Variants in STK3 observed in about 807,000 individuals in gnomAD.
STK3 encodes the protein serine/threonine-protein kinase 3.
A neutral mutation model predicts 58.0 loss-of-function variants in STK3; 41 were observed. The ratio of observed to expected loss-of-function variants is 0.71; its 90% confidence interval spans 0.55 to 0.92. The LOEUF is 0.92. Among genes scored for constraint, STK3 ranks in the 40% least tolerant of loss-of-function variants. STK3 has a pLI of 0.00. For synonymous variants in STK3, 170 were observed against 191.0 expected (o/e 0.89, Z 0.91); for missense variants, 479 against 602.7 (o/e 0.79, Z 2.15).
At chr8:98,463,622 T>C (rs1338800878) in intron 10 of STK3, among the ~76,000 whole-genome samples, 2 of 152,160 alleles carry the variant, frequency 1.3e-5, no homozygotes, top group Non-Finnish European at 2.9e-5. Context: ...AAATTAGAAC[T>C]TCCTTTAAGT....
intron 4 of STK3, among the ~76,000 whole-genome samples, chr8:98,707,613 C>T (rs371254722): frequency 1.3e-5 from 2 of 151,872 alleles, no homozygotes; most frequent in Admixed American, 6.6e-5. Flanking sequence ...CTATGTTGCC[C>T]GGGCTGGTCT....
At chr8:98,448,748 C>T (rs1819063270) in intron 1 of STK3, among the ~76,000 whole-genome samples, 1 of 152,114 alleles carries the variant, frequency 6.6e-6, no homozygotes, top group Admixed American at 6.6e-5. Context: ...CATAAAATGA[C>T]ATAGACTCAC....
intron 6 of STK3, among the ~76,000 whole-genome samples, chr8:98,643,106 C>T (rs985194309): frequency 2.0e-5 from 3 of 152,048 alleles, no homozygotes; most frequent in African/African-American, 7.2e-5. Flanking sequence ...ACACACCTGT[C>T]GTCTCAGCTA....
At position 98,463,530 on chromosome 8, in the gene STK3, C is replaced by A. The variant is rs574816958; in HGVS notation, c.1318-7530G>T. On this transcript the variant is annotated intron_variant, in intron 10 of 10. Coordinates refer to ENST00000419617, the MANE Select transcript of STK3 (RefSeq NM_006281.4). ...TCACTGATAATTCTGACATTTCAAA[C>A]CTTTAATAATTAGAATTATTTCTGA... 3.3e-5 allele frequency among the ~76,000 whole-genome samples: 5 copies of A among 152,152 alleles called. No homozygotes were observed. In the South Asian group the frequency reaches 8.3e-4, roughly 25 times the overall value.
At chr8:98,703,380 C>T (rs1825749048) in intron 6 of STK3, among the ~76,000 whole-genome samples, 1 of 152,032 alleles carries the variant, frequency 6.6e-6, no homozygotes, top group African/African-American at 2.4e-5. Context: ...ATATTTATTT[C>T]ACAAAATTAC....
chr8:98,402,465 G>A (rs1217573436), intron 3 of STK3, among the ~76,000 whole-genome samples: 3 of 152,222 alleles, frequency 2.0e-5, no homozygotes, highest in Non-Finnish European at 4.4e-5. Flanking sequence ...GTTTCTGAAA[G>A]GAAGCGAAAG....
intron 1 of STK3, among the ~76,000 whole-genome samples, chr8:98,895,175 G>A (rs1201854973): frequency 6.6e-6 from 1 of 152,148 alleles, no homozygotes; most frequent in Non-Finnish European, 1.5e-5. Flanking sequence ...GGATTAAAGT[G>A]TATGGTATGG....
At chr8:98,661,241 C>A (rs1171875320) in intron 6 of STK3, among the ~76,000 whole-genome samples, 2 of 152,210 alleles carry the variant, frequency 1.3e-5, no homozygotes, top group Non-Finnish European at 2.9e-5. Flanking sequence ...AAAGGAAATA[C>A]AGCCTCTTTG....
At chr8:98,527,612 C>A (rs1251906862) in intron 9 of STK3, among the ~76,000 whole-genome samples, 3 of 151,656 alleles carry the variant, frequency 2.0e-5, no homozygotes, top group African/African-American at 4.8e-5. Context: ...AGAGCAAGAC[C>A]CTGTTCAAAT....
chr8:98,347,542 AC>A, the STK3 span, among the ~76,000 whole-genome samples: 3 of 151,782 alleles, frequency 2.0e-5, no homozygotes, highest in East Asian at 1.9e-4. Context: ...ACCAAAAAAA[AC>A]CACAGCGTAT....
intron 6 of STK3, chr8:98,598,305 T>C (rs934049311): frequency 9.1e-6 from 9 of 985,292 alleles, no homozygotes; most frequent in Non-Finnish European, 1.1e-5. Flanking sequence ...AACCCAAGGA[T>C]AAAAAGCTTA....
chr8:98,644,851 A>T (rs553421104), intron 6 of STK3, among the ~76,000 whole-genome samples: 8 of 152,190 alleles, frequency 5.3e-5, no homozygotes, highest in Non-Finnish European at 1.0e-4. Context: ...GCAGTTTTTC[A>T]TTGCCATCTC....
At chr8:98,601,288 C>T (rs953824743) in intron 6 of STK3, among the ~76,000 whole-genome samples, 4 of 152,204 alleles carry the variant, frequency 2.6e-5, no homozygotes, top group Non-Finnish European at 4.4e-5. Flanking sequence ...TGCCCCACAA[C>T]CACCTCTTAC....
intron 10 of STK3, among the ~76,000 whole-genome samples, chr8:98,520,808 T>C (rs1465445467): frequency 1.3e-5 from 2 of 152,108 alleles, no homozygotes; most frequent in Non-Finnish European, 2.9e-5. Context: ...GATGAGGGAA[T>C]GAATAAGACC....
intron 4 of STK3, among the ~76,000 whole-genome samples, chr8:98,741,410 A>G (rs188978836): frequency 0.011 from 1,679 of 152,260 alleles, 29 homozygotes; most frequent in African/African-American, 0.037. Flanking sequence ...AGACCACAGT[A>G]CAATCAAACT....
chr8:98,877,678 T>G (rs1837606765), intron 3 of STK3, among the ~76,000 whole-genome samples: 1 of 152,130 alleles, frequency 6.6e-6, no homozygotes, highest in Non-Finnish European at 1.5e-5. Context: ...AGACGGGGTT[T>G]CTCCATGTTG....
In STK3 at chr8:98,579,749, CTTAATAT is replaced by C; in HGVS notation, c.856_862del (p.Ile286GlufsTer3). ...CTCCATAGCTTCTGTGATCAGGTCT[CTTAATAT>C]TGATACAGGTTTGGCATTCTTGATA... On this transcript the variant is annotated frameshift_variant, in exon 8 of 11. Transcript: ENST00000419617. LOFTEE classifies it high-confidence loss of function. 1 of 1,602,964 alleles carries C rather than the reference CTTAATAT, an allele frequency of 6.2e-7. No homozygotes were observed. The highest frequency in any genetic ancestry group is 8.5e-7 in the Non-Finnish European group (1 of 1,176,738).
At chr8:98,759,577 A>G (rs1830497455) in intron 3 of STK3, among the ~76,000 whole-genome samples, 1 of 152,186 alleles carries the variant, frequency 6.6e-6, no homozygotes, top group African/African-American at 2.4e-5. Context: ...GCAAGCACAA[A>G]CTATTGGAAA....
At chr8:98,728,112 T>A (rs72666689) in intron 4 of STK3, among the ~76,000 whole-genome samples, 1 of 152,124 alleles carries the variant, frequency 6.6e-6, no homozygotes, top group African/African-American at 2.4e-5. Flanking sequence ...ACACATTAAA[T>A]TGGGGCTCCC....
Sources: gnomAD v4.1 joint callset for allele counts (sites outside exome capture counted in the v4.1 genomes callset) on GRCh38, gnomAD v4.1.1 for gene constraint, MANE v1.5 for transcripts, NCBI Gene and HGNC (gene_info 2026-07-23, HGNC 2026-07-21) for gene names.